ZNF778: variants seen among roughly 807,000 people sequenced by gnomAD.
The protein encoded by ZNF778 is zinc finger protein 778.
Under a neutral mutation model 23.9 loss-of-function variants are expected in ZNF778, and 37 were observed. The ratio of observed to expected loss-of-function variants is 1.54; its 90% confidence interval spans 1.19 to 2.03. The LOEUF (loss-of-function observed/expected upper bound fraction) is 2.03. Ranked by LOEUF, ZNF778 falls within the 30% of genes most tolerant of loss-of-function variation. ZNF778 has a pLI of 0.00. For synonymous variants in ZNF778, 483 were observed against 343.9 expected, an observed-to-expected ratio of 1.40 and a Z score of -4.48; for missense variants, 1,297 against 934.4, an observed-to-expected ratio of 1.39 and a Z score of -5.06.
rs370876547 is a variant in ZNF778 at position 89,221,114 on chromosome 16, G to C, written c.-14G>C. 6.4e-7 allele frequency: 1 copy of C among 1,566,544 alleles called. No homozygotes were observed. Among genetic ancestry groups the C allele is most frequent in the Non-Finnish European group, 8.7e-7 (1 of 1,155,326 alleles). ...AGGAAAGGAGCATTCAGACGCTTCC[G>C]TCAGCCTCCCAGGATGGCAGCCCCT... is the stretch of plus-strand genomic sequence containing the variant. On this transcript the variant is annotated 5_prime_UTR_variant, in exon 2 of 7. Transcript: ENST00000433976.
At chr16:89,222,010 A>G (rs9931258) in intron 2 of ZNF778, 82 bp from the exon 3 acceptor site, 818,297 of 926,740 alleles carry the variant, frequency 0.88, 366,677 homozygotes, top group Non-Finnish European at 0.92. Context: ...TCCTGCTAGG[A>G]TGGAATGACT....
Position 89,225,636 on chromosome 16 carries a change from G to A in ZNF778, c.405+5G>A. 1 of 1,609,932 alleles carries A rather than the reference G, an allele frequency of 6.2e-7. No individual in the cohort carries two copies. On this transcript the variant is annotated splice_donor_5th_base_variant and intron_variant, in intron 6 of 6. Transcript: ENST00000433976. ...GCATCAAATGAGACACAGACGGTAA[G>A]ATTAACAAGAGAGATTTTTTTATTT...
rs2031580327 is a variant in ZNF778, at chr16:89,227,388, G to A, written c.1100G>A (p.Cys367Tyr). The change falls in exon 7 of 7, where the codon TGT (cysteine) becomes TAT (tyrosine). Residue 367 changes from cysteine to tyrosine, a missense_variant. By Grantham distance (194) the Cys-to-Tyr change is radical. Coordinates refer to ENST00000433976, the MANE Select transcript of ZNF778 (RefSeq NM_001201407.2). ...GACCCTGGACAGAAGCCCTATGAAT[G>A]TAAGGACTGTGGGAAAGCCTGCGGT... is the stretch of plus-strand genomic sequence containing the variant. ...QTDPGQKPYE[C>Y]KDCGKACGGF... 2 of 1,614,006 alleles carry A rather than the reference G, an allele frequency of 1.2e-6. No individual in the cohort carries two copies. The highest frequency in any genetic ancestry group is 1.6e-4 in the Middle Eastern group (1 of 6,062).
intron 4 of ZNF778, among the ~76,000 whole-genome samples, chr16:89,223,902 G>A (rs575269030): frequency 1.3e-5 from 2 of 152,188 alleles, no homozygotes; most frequent in South Asian, 2.1e-4. Context: ...GTTCCTGGCC[G>A]GGCGCGGTGG....
At position 89,221,260 on chromosome 16, in the gene ZNF778, A is replaced by T; in HGVS notation, c.25+108A>T. 2.3e-6 allele frequency: 3 copies of T among 1,305,120 alleles called. No homozygotes were observed. In the South Asian group the frequency reaches 3.9e-5, roughly 17 times the overall value. 80.8% of individuals were successfully genotyped at this position (1,305,120 alleles called of 1,614,324 possible). A position where few individuals can be genotyped will look rare whatever the true frequency, so the allele number is the denominator to read the frequency against. ...CTGAGTAGTCACGCTCCGGGTTCCTATTGCAGCTGCTGGAGTGAGCCAGAG... is the reference window on the plus strand; with the variant it reads ...CTGAGTAGTCACGCTCCGGGTTCCTTTTGCAGCTGCTGGAGTGAGCCAGAG... On this transcript the variant is annotated intron_variant, in intron 2 of 6. Coordinates refer to ENST00000433976, the MANE Select transcript of ZNF778 (RefSeq NM_001201407.2).
At chr16:89,223,049 C>A in intron 3 of ZNF778, 108 bp from the exon 4 acceptor site, 1 of 1,338,410 alleles carries the variant, frequency 7.5e-7, no homozygotes, top group Non-Finnish European at 1.0e-6. Flanking sequence ...ATGGGGTAGA[C>A]AGTAGGAGGC....
At position 89,234,679 on chromosome 16, in the gene ZNF778, A is replaced by T. The variant is rs1169031723; in HGVS notation, c.*6117A>T. On this transcript the variant is annotated 3_prime_UTR_variant, in exon 7 of 7. Transcript: ENST00000433976. ...AGGCCTGTAATCCCAACACTTTGGG[A>T]GGCCGAGGTGGGTGGATCACAAGGT... 1.3e-5 allele frequency: 2 copies of T among 154,748 alleles called. No homozygotes were observed. Among genetic ancestry groups the T allele is most frequent in the Admixed American group, 1.3e-4 (2 of 15,810 alleles). 9.6% of individuals were successfully genotyped at this position (154,748 alleles called of 1,614,324 possible). A position where few individuals can be genotyped will look rare whatever the true frequency, so the allele number is the denominator to read the frequency against.
At chr16:89,219,010 G>C (rs1477362389) in intron 1 of ZNF778, among the ~76,000 whole-genome samples, 1 of 152,042 alleles carries the variant, frequency 6.6e-6, no homozygotes, top group Non-Finnish European at 1.5e-5. Context: ...GGGAGGCTGA[G>C]GCAGGAGAAT....
At position 89,228,169 on chromosome 16, in the gene ZNF778, C is replaced by T; in HGVS notation, c.1881C>T (p.Thr627=). The T allele has an allele frequency of 6.2e-7, 1 of 1,613,400 alleles. No individual in the cohort carries two copies. Among genetic ancestry groups the T allele is most frequent in the South Asian group, 1.1e-5 (1 of 91,036 alleles). Residue 627 remains threonine, a synonymous_variant, in exon 7 of 7, where the codon ACC becomes ACT. Coordinates refer to ENST00000433976, the MANE Select transcript of ZNF778 (RefSeq NM_001201407.2). Reference sequence around the variant, plus strand: ...GTAAAGTATGCGGAAAGGCCTTCACCACATCCTCACACCTTATCGTGCACA... The same window carrying T: ...GTAAAGTATGCGGAAAGGCCTTCACTACATCCTCACACCTTATCGTGCACA... The part of the protein sequence containing the change: ...YECKVCGKAF[T]TSSHLIVHIR...
Position 89,229,810 on chromosome 16 carries a change from C to T in ZNF778, c.*1248C>T, listed in dbSNP as rs898196701. ...GCAGTGTAGGCTCTGGTTGGTTAGT[C>T]TTAGGTATCCAGATGTGATCCTGTG... is the stretch of plus-strand genomic sequence containing the variant. On this transcript the variant is annotated 3_prime_UTR_variant, in exon 7 of 7. Coordinates refer to ENST00000433976, the MANE Select transcript of ZNF778 (RefSeq NM_001201407.2). 5.1e-6 allele frequency: 5 copies of T among 980,752 alleles called. No homozygotes were observed. In the African/African-American group the frequency reaches 9.0e-5, roughly 18 times the overall value. The allele number at this position is 980,752 out of a possible 1,614,324, so 60.8% of individuals were successfully genotyped here.
Position 89,233,709 on chromosome 16 carries a change from T to TCACTGCGTATGCAACTCAACTCG in ZNF778, c.*5154_*5176dup, listed in dbSNP as rs1352918741. ...CAACTTACTGCATATGCAACTCAAC[T>TCACTGCGTATGCAACTCAACTCG]CACTGCGTATGCAACTCAACTCGCA... On this transcript the variant is annotated 3_prime_UTR_variant, in exon 7 of 7. Transcript: ENST00000433976. The TCACTGCGTATGCAACTCAACTCG allele has an allele frequency of 2.2e-5, 27 of 1,234,026 alleles. 12 individuals carry two copies. The highest frequency in any genetic ancestry group is 5.0e-5 in the Admixed American group (2 of 40,142). The allele number at this position is 1,234,026 out of a possible 1,614,324, so 76.4% of individuals were successfully genotyped here.
In ZNF778 at chr16:89,228,997, CCT is replaced by C. The variant is rs567176041; in HGVS notation, c.*436_*437del. On this transcript the variant is annotated 3_prime_UTR_variant, in exon 7 of 7. Coordinates refer to ENST00000433976, the MANE Select transcript of ZNF778 (RefSeq NM_001201407.2). The stretch of plus-strand genomic sequence containing the variant: ...ATGTATGGAAGATAGCAGTCGCTTC[CCT>C]GTGTTCTAAAACCTTGTGGGCTAAC... The C allele has an allele frequency of 3.0e-4, 302 of 994,368 alleles. No homozygotes were observed. The African/African-American group carries it at 5.1e-3, about 17-fold the overall frequency. 61.6% of individuals were successfully genotyped at this position (994,368 alleles called of 1,614,324 possible).
At chr16:89,225,923 T>TA (rs966216564) in intron 6 of ZNF778, among the ~76,000 whole-genome samples, 34 of 151,584 alleles carry the variant, frequency 2.2e-4, no homozygotes, top group African/African-American at 8.0e-4. Flanking sequence ...ATTCTTTTTT[T>TA]TTTTTTTGAG....
rs1384583109 is a variant in ZNF778, at chr16:89,224,738, C to T, written c.264C>T (p.Pro88=). 1.3e-6 allele frequency: 2 copies of T among 1,535,454 alleles called. No individual in the cohort carries two copies. The highest frequency in any genetic ancestry group is 2.7e-5 in the African/African-American group (2 of 72,972). ...GTACAGGACATCACCTGTTCCAACC[C>T]AGTGTGATCTATTGGCTGGAGCAGG... The part of the protein sequence containing the change: ...LASVGHHLFQ[P]SVIYWLEQEE... The change falls in exon 5 of 7, where the codon CCC becomes CCT. Residue 88 remains proline (P), a synonymous_variant. Coordinates refer to ENST00000433976, the MANE Select transcript of ZNF778 (RefSeq NM_001201407.2).
In ZNF778 at chr16:89,221,211, G is replaced by A. The variant is rs1214946102; in HGVS notation, c.25+59G>A. The A allele has an allele frequency of 4.6e-6, 7 of 1,535,906 alleles. No individual in the cohort carries two copies. The East Asian group carries it at 1.5e-4, about 32-fold the overall frequency. ...TGCTCTAGGTCCTGATACACAGTGT[G>A]TGTATCAGGCCCATGGACGGGGCCT... is the stretch of plus-strand genomic sequence containing the variant. On this transcript the variant is annotated intron_variant, in intron 2 of 6. Transcript: ENST00000433976.
At position 89,229,284 on chromosome 16, in the gene ZNF778, TGAG is replaced by T. The variant is rs984298284; in HGVS notation, c.*725_*727del. On this transcript the variant is annotated 3_prime_UTR_variant, in exon 7 of 7. Transcript: ENST00000433976. ...AGCGTAGGCTCTGGTTGGTTAGTCT[TGAG>T]GATCCAGATGTGATTCTGTGAGCAG... 8.7e-5 allele frequency: 86 copies of T among 985,264 alleles called. No individual in the cohort carries two copies. Among genetic ancestry groups the T allele is most frequent in the Non-Finnish European group, 9.4e-5 (78 of 830,068 alleles). The allele number at this position is 985,264 out of a possible 1,614,324, so 61.0% of individuals were successfully genotyped here.
chr16:89,220,814 T>C (rs2030859764), intron 1 of ZNF778, among the ~76,000 whole-genome samples, 183 bp from the exon 2 acceptor site: 1 of 152,334 alleles, frequency 6.6e-6, no homozygotes, highest in African/African-American at 2.4e-5. Flanking sequence ...GCTGTTCTGA[T>C]AATTAAAGGC....
chr16:89,236,009 A>AAAG lies in ZNF778; in HGVS notation c.*7449_*7450insGAA, dbSNP rs2032225891. On this transcript the variant is annotated 3_prime_UTR_variant, in exon 7 of 7. Transcript: ENST00000433976. The stretch of plus-strand genomic sequence containing the variant: ...TCGTCTCTAGTAAAAAAAAAAAAAA[A>AAAG]AAAGAAAAATACAAAAATTTAGTTG... The AAAG allele has an allele frequency of 6.6e-6, 1 of 150,932 alleles. No homozygotes were observed. Among genetic ancestry groups the AAAG allele is most frequent in the African/African-American group, 2.4e-5 (1 of 40,820 alleles). The allele number at this position is 150,932 out of a possible 1,614,324, so 9.3% of individuals were successfully genotyped here.
rs1327491914 is a variant in ZNF778, at chr16:89,233,999, GC to G, written c.*5439del. 1 of 1,200,418 alleles carries G rather than the reference GC, an allele frequency of 8.3e-7. No homozygotes were observed. Among genetic ancestry groups the G allele is most frequent in the Non-Finnish European group, 1.1e-6 (1 of 907,586 alleles). The allele number at this position is 1,200,418 out of a possible 1,614,324, so 74.4% of individuals were successfully genotyped here. Reference sequence around the variant, plus strand: ...CCCAGACTTCATCCTGCCCTGTCCTGCCTTTCCTGTGAAAACCCTGTGGCCT... The same window carrying G: ...CCCAGACTTCATCCTGCCCTGTCCTGCTTTCCTGTGAAAACCCTGTGGCCT... On this transcript the variant is annotated 3_prime_UTR_variant, in exon 7 of 7. Transcript: ENST00000433976.
Sources: allele counts gnomAD v4.1 joint callset (sites outside exome capture counted in the v4.1 genomes callset), GRCh38; gene constraint gnomAD v4.1.1; transcripts MANE v1.5; gene names NCBI Gene and HGNC (gene_info 2026-07-23, HGNC 2026-07-21).